GALNT17: variants seen among roughly 807,000 people sequenced by gnomAD.
The protein encoded by GALNT17 is UDP-GalNAc:polypeptide N-acetylgalactosaminyltransferase-like 3.
A neutral mutation model predicts 63.7 loss-of-function variants in GALNT17; 29 were observed. The observed-to-expected ratio is 0.46, with a 90% confidence interval of 0.34 to 0.62. The LOEUF is 0.62. Ranked by LOEUF, GALNT17 falls within the 20% of genes least tolerant of loss-of-function variation. GALNT17 has a pLI of 0.01. For missense variants in GALNT17, 603 were observed against 799.6 expected (o/e 0.75, Z 2.97); for synonymous variants, 305 against 318.3 (o/e 0.96, Z 0.45).
At chr7:71,252,369 A>G (rs929512267) in intron 1 of GALNT17, among the ~76,000 whole-genome samples, 4 of 152,114 alleles carry the variant, frequency 2.6e-5, no homozygotes, top group African/African-American at 4.8e-5. Context: ...TACTAAAAAT[A>G]TAAAAATTAC....
intron 1 of GALNT17, among the ~76,000 whole-genome samples, chr7:71,206,661 C>A (rs913914671): frequency 2.0e-5 from 3 of 151,964 alleles, no homozygotes; most frequent in African/African-American, 7.3e-5. Flanking sequence ...TCAGGGCGAC[C>A]AAGACGGTGG....
chr7:71,187,161 C>G (rs1202954708), intron 1 of GALNT17, among the ~76,000 whole-genome samples: 1 of 152,114 alleles, frequency 6.6e-6, no homozygotes, highest in African/African-American at 2.4e-5. Context: ...GCTCTGTCAC[C>G]CAGGCTAGAG....
chr7:71,152,878 C>T (rs955264649), intron 1 of GALNT17, among the ~76,000 whole-genome samples: 1 of 152,128 alleles, frequency 6.6e-6, no homozygotes, highest in African/African-American at 2.4e-5. Flanking sequence ...GGTGATCCAC[C>T]TGCCTCAGCC....
chr7:71,353,699 A>G (rs1236349632), intron 2 of GALNT17, among the ~76,000 whole-genome samples: 1 of 152,230 alleles, frequency 6.6e-6, no homozygotes, highest in Non-Finnish European at 1.5e-5. Flanking sequence ...GGAACAGCTA[A>G]TGAAGAAGGA....
At chr7:71,156,578 T>TGTCC (rs1480864077) in intron 1 of GALNT17, among the ~76,000 whole-genome samples, 2 of 108,530 alleles carry the variant, frequency 1.8e-5, no homozygotes, top group Non-Finnish European at 3.6e-5. Context: ...TCACATGAGA[T>TGTCC]GTCCTTCCTT....
At chr7:71,431,499 C>T (rs935728171) in intron 5 of GALNT17, among the ~76,000 whole-genome samples, 5 of 152,056 alleles carry the variant, frequency 3.3e-5, no homozygotes, top group Admixed American at 3.3e-4. Context: ...TGGGAGCCAC[C>T]GTACCTGGCC....
At chr7:71,634,571 TG>T (rs1235032795) in intron 6 of GALNT17, among the ~76,000 whole-genome samples, 1 of 150,966 alleles carries the variant, frequency 6.6e-6, no homozygotes. Flanking sequence ...CTGACCAACA[TG>T]GTAAAACTCC....
rs78536097 is a variant in GALNT17 at position 71,609,203 on chromosome 7, C to T, written c.1080+37801C>T. Among the ~76,000 whole-genome samples the T allele has an allele frequency of 2.3e-3, 344 of 152,318 alleles. 1 individual carries two copies. Among genetic ancestry groups the T allele is most frequent in the African/African-American group, 7.9e-3 (330 of 41,580 alleles). Reference sequence around the variant, plus strand: ...AGGATGTGCCTTTTATCTATTTCCCCGGCATTGGTTCGTTTATTCTGAATC... The same window carrying T: ...AGGATGTGCCTTTTATCTATTTCCCTGGCATTGGTTCGTTTATTCTGAATC... On this transcript the variant is annotated intron_variant, in intron 6 of 10. Transcript: ENST00000333538.
chr7:71,145,030 G>C (rs1331602255), intron 1 of GALNT17, among the ~76,000 whole-genome samples: 1 of 152,110 alleles, frequency 6.6e-6, no homozygotes, highest in African/African-American at 2.4e-5. Context: ...GCCCATCTTG[G>C]GCTGGGGTTT....
At chr7:71,450,565 G>A (rs1336842432) in intron 5 of GALNT17, among the ~76,000 whole-genome samples, 1 of 152,214 alleles carries the variant, frequency 6.6e-6, no homozygotes, top group Non-Finnish European at 1.5e-5. Flanking sequence ...AACATTTAAA[G>A]TGTATAATTA....
At chr7:71,232,468 G>A (rs1789809042) in intron 1 of GALNT17, among the ~76,000 whole-genome samples, 1 of 152,020 alleles carries the variant, frequency 6.6e-6, no homozygotes, top group Non-Finnish European at 1.5e-5. Context: ...ACAGATATAG[G>A]GCATAGGAAA....
intron 1 of GALNT17, among the ~76,000 whole-genome samples, chr7:71,205,171 T>G: frequency 8.6e-6 from 1 of 115,844 alleles, no homozygotes; most frequent in African/African-American, 4.0e-5. Context: ...TTTTTTTTTT[T>G]TGAGACAGAG....
intron 1 of GALNT17, among the ~76,000 whole-genome samples, chr7:71,150,501 T>G (rs1295732906): frequency 6.6e-6 from 1 of 151,882 alleles, no homozygotes; most frequent in Non-Finnish European, 1.5e-5. Flanking sequence ...CTCTCTTTTT[T>G]TTCGTTTTCT....
At position 71,595,315 on chromosome 7, in the gene GALNT17, A is replaced by T. The variant is rs537967800; in HGVS notation, c.1080+23913A>T. On this transcript the variant is annotated intron_variant, in intron 6 of 10. Transcript: ENST00000333538. ...CATGGTGTCACATGTCTGTAGTCAT[A>T]GCTACTAAGGAGGTTGAGGTGGAAG... is the stretch of plus-strand genomic sequence containing the variant. Among the ~76,000 whole-genome samples the T allele has an allele frequency of 1.5e-4, 23 of 152,186 alleles. 1 individual carries two copies. In the South Asian group the frequency reaches 4.8e-3, roughly 32 times the overall value.
In GALNT17 at chr7:71,250,866, C is replaced by G. The variant is rs372416693; in HGVS notation, c.239-84684C>G. 5.9e-5 allele frequency among the ~76,000 whole-genome samples: 9 copies of G among 152,280 alleles called. 2 individuals are homozygous for G. Among genetic ancestry groups the G allele is most frequent in the Non-Finnish European group, 1.5e-5 (1 of 68,026 alleles). On this transcript the variant is annotated intron_variant, in intron 1 of 10. Coordinates refer to ENST00000333538, the MANE Select transcript of GALNT17 (RefSeq NM_022479.3). ...TGCGCCTTTCTTAAGTTTCTGTCTTCAAGTTGTCACCAGTGTTTTCAATAC... is the reference window on the plus strand; with the variant it reads ...TGCGCCTTTCTTAAGTTTCTGTCTTGAAGTTGTCACCAGTGTTTTCAATAC...
intron 1 of GALNT17, among the ~76,000 whole-genome samples, chr7:71,326,757 A>G (rs1245286488): frequency 6.6e-6 from 1 of 152,122 alleles, no homozygotes; most frequent in East Asian, 1.9e-4. Flanking sequence ...ATCCTTTTCT[A>G]GTGACAGCTG....
At chr7:71,136,200 G>T (rs1469480419) in intron 1 of GALNT17, among the ~76,000 whole-genome samples, 3 of 152,138 alleles carry the variant, frequency 2.0e-5, no homozygotes, top group Non-Finnish European at 4.4e-5. Flanking sequence ...AAGGCAAAGG[G>T]CTCCTAGTGC....
chr7:71,423,130 G>T (rs1159304120), intron 5 of GALNT17, among the ~76,000 whole-genome samples: 1 of 152,154 alleles, frequency 6.6e-6, no homozygotes, highest in African/African-American at 2.4e-5. Context: ...CACAGGATGG[G>T]GGACAGGGTA....
chr7:71,628,316 C>CT (rs201171461), intron 6 of GALNT17, among the ~76,000 whole-genome samples: 1 of 151,772 alleles, frequency 6.6e-6, no homozygotes, highest in Non-Finnish European at 1.5e-5. Context: ...GCTAGAAATG[C>CT]TTTTTTTTAT....
Sources: gnomAD v4.1 joint callset for allele counts (sites outside exome capture counted in the v4.1 genomes callset) on GRCh38, gnomAD v4.1.1 for gene constraint, MANE v1.5 for transcripts, NCBI Gene and HGNC (gene_info 2026-07-23, HGNC 2026-07-21) for gene names.